Variants in MARCHF3 observed in about 807,000 individuals in gnomAD.
MARCHF3 encodes E3 ubiquitin-protein ligase MARCHF3.
Under a neutral mutation model 24.2 loss-of-function variants are expected in MARCHF3, and 13 were observed. The ratio of observed to expected loss-of-function variants is 0.54; its 90% confidence interval spans 0.35 to 0.85. The LOEUF is 0.85. MARCHF3 is among the 40% of genes least tolerant of loss of function. The probability of loss-of-function intolerance (pLI) is 0.01; values close to 1 mark genes in which losing one functional copy is unlikely to be tolerated. For synonymous variants in MARCHF3, 144 were observed against 137.3 expected, an observed-to-expected ratio of 1.05 and a Z score of -0.34; for missense variants, 276 against 325.0, an observed-to-expected ratio of 0.85 and a Z score of 1.16.
intron 2 of MARCHF3, among the ~76,000 whole-genome samples, chr5:126,916,063 G>C (rs1224909302): frequency 1.3e-5 from 2 of 152,190 alleles, no homozygotes; most frequent in Non-Finnish European, 2.9e-5. Context: ...TACAGCAAAT[G>C]CCTAGTTAAT....
At chr5:126,958,546 C>CTTCT (rs1460027391) in intron 1 of MARCHF3, among the ~76,000 whole-genome samples, 1 of 152,094 alleles carries the variant, frequency 6.6e-6, no homozygotes, top group Non-Finnish European at 1.5e-5. Context: ...TCCCTAGTTA[C>CTTCT]TTCTGATCTA....
rs79464377 is a variant in MARCHF3, at chr5:126,975,663, A to T, written c.-57+54687T>A. Among the ~76,000 whole-genome samples the T allele has an allele frequency of 2.4e-4, 36 of 152,330 alleles. No homozygotes were observed. In the East Asian group the frequency reaches 6.7e-3, roughly 29 times the overall value. ...TGCAGAATGTGGTGATGAGGAAGCC[A>T]TTCTCCCAGGTACAGCAAAGGCAGA... On this transcript the variant is annotated intron_variant, in intron 1 of 4. Coordinates refer to ENST00000308660, the MANE Select transcript of MARCHF3 (RefSeq NM_178450.5).
intron 1 of MARCHF3, among the ~76,000 whole-genome samples, chr5:126,985,717 C>T (rs1253209470): frequency 6.6e-6 from 1 of 152,106 alleles, no homozygotes; most frequent in Admixed American, 6.5e-5. Context: ...CCTCGTGATC[C>T]ACCTGCATCG....
chr5:126,973,972 A>G (rs1055455425), intron 1 of MARCHF3, among the ~76,000 whole-genome samples: 22 of 137,552 alleles, frequency 1.6e-4, no homozygotes, highest in Admixed American at 1.4e-3. Flanking sequence ...ATCTCGGCTC[A>G]CTGCAAGCTC....
intron 1 of MARCHF3, among the ~76,000 whole-genome samples, chr5:126,989,283 ATAC>A (rs957703114): frequency 2.5e-4 from 37 of 150,158 alleles, no homozygotes; most frequent in Admixed American, 1.1e-3. Context: ...TGTCTCTAGA[ATAC>A]TACTACTACT....
At chr5:126,892,876 C>T (rs1396755581) in intron 3 of MARCHF3, among the ~76,000 whole-genome samples, 2 of 151,586 alleles carry the variant, frequency 1.3e-5, no homozygotes, top group Non-Finnish European at 2.9e-5. Context: ...ACCAGTTCCT[C>T]CTTGTACCTC....
chr5:127,028,808 T>C (rs545428160), intron 1 of MARCHF3, among the ~76,000 whole-genome samples: 4 of 152,226 alleles, frequency 2.6e-5, no homozygotes, highest in Admixed American at 6.5e-5. Flanking sequence ...CACTTCCTTC[T>C]CCCTCACCAA....
intron 4 of MARCHF3, among the ~76,000 whole-genome samples, chr5:126,874,437 T>C (rs1365839249): frequency 6.6e-6 from 1 of 151,930 alleles, no homozygotes; most frequent in African/African-American, 2.4e-5. Flanking sequence ...AAATACAAAA[T>C]TAGCTGGGCG....
At chr5:126,916,733 A>ACACACACACACACG (rs1748866706) in intron 2 of MARCHF3, among the ~76,000 whole-genome samples, 1 of 150,794 alleles carries the variant, frequency 6.6e-6, no homozygotes, top group African/African-American at 2.5e-5. Flanking sequence ...ACACACACAC[A>ACACACACACACACG]GAGGCTCACA....
At chr5:126,941,046 C>A (rs570108857) in intron 1 of MARCHF3, among the ~76,000 whole-genome samples, 2 of 152,172 alleles carry the variant, frequency 1.3e-5, no homozygotes, top group South Asian at 4.2e-4. Context: ...ATGAATGTGA[C>A]ATGGATGGTA....
Position 126,918,153 on chromosome 5 carries a change from T to A in MARCHF3, c.19A>T (p.Ser7Cys). ...TCTGGCAGGACTTCGGGCAGGTGAC[T>A]GCAGCGGCTGGTTGTCATGGTAACA... MTTSRC[S>C]HLPEVLPDCT... The change falls in exon 2 of 5, where the codon AGT becomes TGT. Residue 7 changes from serine (S) to cysteine (C), a missense_variant. Physicochemically the swap from Ser to Cys is moderately radical, Grantham distance 112. Coordinates refer to ENST00000308660, the MANE Select transcript of MARCHF3 (RefSeq NM_178450.5). 6.2e-7 allele frequency: 1 copy of A among 1,613,680 alleles called. No homozygotes were observed. The highest frequency in any genetic ancestry group is 8.5e-7 in the Non-Finnish European group (1 of 1,179,910).
At chr5:126,968,903 A>T (rs1461632430) in intron 1 of MARCHF3, among the ~76,000 whole-genome samples, 1 of 152,132 alleles carries the variant, frequency 6.6e-6, no homozygotes, top group Non-Finnish European at 1.5e-5. Context: ...TGTTCTGGAT[A>T]CTAGACTCTT....
chr5:126,875,679 A>G (rs1753123141), intron 4 of MARCHF3, among the ~76,000 whole-genome samples: 6 of 152,142 alleles, frequency 3.9e-5, no homozygotes. Context: ...CACCAGTCAA[A>G]GGGGGAGAGA....
chr5:126,877,792 A>G (rs1313535254), intron 4 of MARCHF3, among the ~76,000 whole-genome samples: 3 of 152,232 alleles, frequency 2.0e-5, no homozygotes, highest in Non-Finnish European at 4.4e-5. Context: ...AGTGACAGCA[A>G]CAGCAGCCAA....
At chr5:127,001,775 G>A (rs536602486) in intron 1 of MARCHF3, among the ~76,000 whole-genome samples, 1 of 152,130 alleles carries the variant, frequency 6.6e-6, no homozygotes, top group African/African-American at 2.4e-5. Flanking sequence ...AGTCATCAGG[G>A]TGCCCACATG....
intron 1 of MARCHF3, among the ~76,000 whole-genome samples, chr5:126,952,234 C>T (rs1750268275): frequency 6.6e-6 from 1 of 151,986 alleles, no homozygotes; most frequent in Non-Finnish European, 1.5e-5. Context: ...CAACCAGCTT[C>T]GACAGCAAAC....
At chr5:126,932,022 A>AAAT (rs1749494367) in intron 1 of MARCHF3, among the ~76,000 whole-genome samples, 1 of 152,270 alleles carries the variant, frequency 6.6e-6, no homozygotes, top group Non-Finnish European at 1.5e-5. Flanking sequence ...GGATTAAATG[A>AAAT]AATAACATAT....
chr5:126,974,880 C>T (rs1412108090), intron 1 of MARCHF3, among the ~76,000 whole-genome samples: 1 of 152,220 alleles, frequency 6.6e-6, no homozygotes, highest in African/African-American at 2.4e-5. Context: ...ATGTAAGTTA[C>T]ATGTGACAGC....
At chr5:126,880,673 G>A (rs768462241) in intron 3 of MARCHF3, among the ~76,000 whole-genome samples, 5 of 152,204 alleles carry the variant, frequency 3.3e-5, no homozygotes, top group Non-Finnish European at 5.9e-5. Context: ...TTATTTAGAT[G>A]TTAGTGAATG....
Sources: allele counts gnomAD v4.1 joint callset (sites outside exome capture counted in the v4.1 genomes callset), GRCh38; gene constraint gnomAD v4.1.1; transcripts MANE v1.5; gene names NCBI Gene and HGNC (gene_info 2026-07-23, HGNC 2026-07-21).